FLI1: variants seen among roughly 807,000 people sequenced by gnomAD.
FLI1 encodes the protein Friend leukemia integration 1 transcription factor.
FLI1 carries 13 observed loss-of-function variants against 53.1 expected under a neutral mutation model. That is an observed-to-expected ratio of 0.24 (90% CI 0.16 to 0.39). The LOEUF (loss-of-function observed/expected upper bound fraction) is 0.39. FLI1 is among the 10% of genes least tolerant of loss of function. The pLI, the probability that FLI1 is intolerant of heterozygous loss-of-function variation, is 1.00. For missense variants in FLI1, 424 were observed against 600.5 expected, an observed-to-expected ratio of 0.71 and a Z score of 3.07; for synonymous variants, 244 against 236.7, an observed-to-expected ratio of 1.03 and a Z score of -0.28.
chr11:128,794,425 A>G (rs1454110037), intron 5 of FLI1, among the ~76,000 whole-genome samples: 1 of 152,226 alleles, frequency 6.6e-6, no homozygotes, highest in Non-Finnish European at 1.5e-5. Flanking sequence ...AACTTGTTTC[A>G]CCAAATTCTC....
chr11:128,788,062 G>A (rs931045151), intron 5 of FLI1, among the ~76,000 whole-genome samples: 8 of 151,450 alleles, frequency 5.3e-5, no homozygotes, highest in Non-Finnish European at 7.4e-5. Flanking sequence ...TGCCCGCCTC[G>A]GCCTCCTAAT....
At chr11:128,758,040 C>T in intron 1 of FLI1, 75 bp from the exon 2 acceptor site, 1 of 1,365,570 alleles carries the variant, frequency 7.3e-7, no homozygotes, top group Non-Finnish European at 1.0e-6. Context: ...GCCACCTTGC[C>T]AGCTCAAAGC....
intron 4 of FLI1, 33 bp from the exon 5 acceptor site, chr11:128,781,925 T>C (rs1408395085): frequency 1.3e-6 from 2 of 1,566,006 alleles, no homozygotes; most frequent in Non-Finnish European, 1.8e-6. Context: ...GAAGAACATT[T>C]TGGTTATAAC....
chr11:128,770,362 G>C (rs1359958328), intron 3 of FLI1, among the ~76,000 whole-genome samples: 1 of 152,236 alleles, frequency 6.6e-6, no homozygotes, highest in Non-Finnish European at 1.5e-5. Flanking sequence ...CTCCAGGCCA[G>C]GCTGTGGATA....
At chr11:128,686,625 G>T (rs148596555) in exon 1 of FLI1, 153 of 380,346 alleles carry the variant, frequency 4.0e-4, no homozygotes, top group African/African-American at 2.8e-3. Context: ...TCCCTCCCAG[G>T]CTGGTTCTTG....
intron 3 of FLI1, among the ~76,000 whole-genome samples, chr11:128,770,822 C>T (rs889742820): frequency 5.3e-5 from 8 of 152,188 alleles, no homozygotes; most frequent in Admixed American, 5.2e-4. Flanking sequence ...TGCCAATGAT[C>T]CATGCCTAAT....
chr11:128,732,141 T>C (rs1939726441), intron 1 of FLI1, among the ~76,000 whole-genome samples: 1 of 152,226 alleles, frequency 6.6e-6, no homozygotes, highest in South Asian at 2.1e-4. Flanking sequence ...CAAAGCATGC[T>C]GAGCCTTGTC....
intron 1 of FLI1, among the ~76,000 whole-genome samples, chr11:128,744,869 T>C (rs1318785486): frequency 6.6e-6 from 1 of 152,132 alleles, no homozygotes; most frequent in Non-Finnish European, 1.5e-5. Flanking sequence ...TAAATAAATA[T>C]AAAAGCAACA....
chr11:128,764,752 G>A lies in FLI1; in HGVS notation c.231-3366G>A, dbSNP rs144909054. 1,216 of 1,586,088 alleles carry A rather than the reference G, an allele frequency of 7.7e-4. 7 individuals carry two copies. The African/African-American group carries it at 0.013, about 17-fold the overall frequency. ...CCCCATGGCCGCACGCAGGGCTTGC[G>A]CTGGCTGGAGGAGGCACGGTGCTTG... On this transcript the variant is annotated intron_variant, in intron 2 of 8. Transcript: ENST00000527786.
At position 128,761,564 on chromosome 11, in the gene FLI1, A is replaced by G. The variant is rs528293753; in HGVS notation, c.230+3238A>G. On this transcript the variant is annotated intron_variant, in intron 2 of 8. Transcript: ENST00000527786. ...TTCAATGCTGAGCCTGAGTTGATGC[A>G]TGGGCTTCTGAGTTCCATCTTCATG... Among the ~76,000 whole-genome samples the G allele has an allele frequency of 7.9e-5, 12 of 152,260 alleles. No homozygotes were observed. The East Asian group carries it at 2.3e-3, about 29-fold the overall frequency.
intron 1 of FLI1, among the ~76,000 whole-genome samples, chr11:128,723,933 ATTTTTTTT>A (rs376612983): frequency 3.7e-5 from 3 of 80,976 alleles, no homozygotes; most frequent in African/African-American, 1.0e-4. Context: ...AATGGAGTTG[ATTTTTTTT>A]TTTTTTTTTT....
At chr11:128,767,071 C>G (rs1391359874) in intron 2 of FLI1, among the ~76,000 whole-genome samples, 1 of 152,048 alleles carries the variant, frequency 6.6e-6, no homozygotes, top group Non-Finnish European at 1.5e-5. Context: ...TGATGCTGGG[C>G]TGGAGGGCAT....
chr11:128,714,672 A>T (rs1938928206), intron 1 of FLI1, among the ~76,000 whole-genome samples: 1 of 150,382 alleles, frequency 6.6e-6, no homozygotes, highest in Non-Finnish European at 1.5e-5. Flanking sequence ...CTGAGTAGTT[A>T]CTGATGAGCC....
intron 2 of FLI1, among the ~76,000 whole-genome samples, chr11:128,763,796 T>C (rs930293947): frequency 2.6e-5 from 4 of 152,212 alleles, no homozygotes; most frequent in Admixed American, 6.5e-5. Flanking sequence ...GCATCTACTG[T>C]GTATGGGGAT....
At chr11:128,770,985 G>A (rs1941530017) in intron 3 of FLI1, among the ~76,000 whole-genome samples, 1 of 152,194 alleles carries the variant, frequency 6.6e-6, no homozygotes, top group African/African-American at 2.4e-5. Context: ...AGAGGAAAGG[G>A]GCTTTGGGGG....
chr11:128,698,209 G>A (rs1213500354), intron 1 of FLI1, among the ~76,000 whole-genome samples: 1 of 152,182 alleles, frequency 6.6e-6, no homozygotes, highest in African/African-American at 2.4e-5. Flanking sequence ...GAATACTTGG[G>A]AACAGAGGCT....
In FLI1 at chr11:128,758,299, G is replaced by T. The variant is rs201118331; in HGVS notation, c.203G>T (p.Arg68Leu). 501 of 1,613,254 alleles carry T rather than the reference G, an allele frequency of 3.1e-4. No individual in the cohort carries two copies. The highest frequency in any genetic ancestry group is 4.0e-4 in the South Asian group (36 of 90,910). Residue 68 changes from arginine (R) to leucine (L), a missense_variant, in exon 2 of 9, where the codon CGG (arginine) becomes CTG (leucine). Physicochemically the swap from Arg to Leu is moderately radical, Grantham distance 102. Transcript: ENST00000527786. ...INQPVRVNVKREYDHMNGSRE... is the reference protein window; with the variant it reads ...INQPVRVNVKLEYDHMNGSRE... Reference sequence around the variant, plus strand: ...CAGCCAGTGAGGGTCAACGTCAAGCGGGAGTATGACCACATGAATGGATCC... The same window carrying T: ...CAGCCAGTGAGGGTCAACGTCAAGCTGGAGTATGACCACATGAATGGATCC...
chr11:128,782,084 T>A, intron 5 of FLI1, 61 bp downstream of exon 5: 1 of 1,346,488 alleles, frequency 7.4e-7, no homozygotes. Flanking sequence ...CACAGGCCCA[T>A]GCTGTTAAGG....
At chr11:128,764,819 G>A (rs759993696) in intron 2 of FLI1, 17 of 1,592,588 alleles carry the variant, frequency 1.1e-5, no homozygotes, top group African/African-American at 6.7e-5. Flanking sequence ...GCGAGCGGGC[G>A]AGGTATGGCT....
Sources: allele counts gnomAD v4.1 joint callset (sites outside exome capture counted in the v4.1 genomes callset), GRCh38; gene constraint gnomAD v4.1.1; transcripts MANE v1.5; gene names NCBI Gene and HGNC (gene_info 2026-07-23, HGNC 2026-07-21).